Variants in FAM110B observed in about 807,000 individuals in gnomAD.
FAM110B encodes family with sequence similarity 110 member B.
Under a neutral mutation model 20.4 loss-of-function variants are expected in FAM110B, and 6 were observed. That is an observed-to-expected ratio of 0.29 (90% confidence interval 0.16 to 0.58). FAM110B has a LOEUF of 0.58. Among genes scored for constraint, FAM110B ranks in the 20% least tolerant of loss-of-function variants. The probability of loss-of-function intolerance (pLI) is 0.90; values close to 1 mark genes in which losing one functional copy is unlikely to be tolerated. For synonymous variants in FAM110B, 226 were observed against 214.1 expected (o/e 1.06, Z -0.49); for missense variants, 434 against 498.2 (o/e 0.87, Z 1.23).
At chr8:58,067,372 A>T (rs558520702) in intron 2 of FAM110B, among the ~76,000 whole-genome samples, 1 of 152,320 alleles carries the variant, frequency 6.6e-6, no homozygotes, top group South Asian at 2.1e-4. Context: ...ATCTACAAAG[A>T]TCTAGAAGGA....
At chr8:58,016,316 T>G (rs1449725755) in intron 1 of FAM110B, among the ~76,000 whole-genome samples, 3 of 152,246 alleles carry the variant, frequency 2.0e-5, no homozygotes, top group Non-Finnish European at 2.9e-5. Context: ...ATTTTCTCTC[T>G]TCACATTCTG....
intron 3 of FAM110B, among the ~76,000 whole-genome samples, chr8:58,110,253 T>G (rs1303399745): frequency 6.6e-6 from 1 of 152,194 alleles, no homozygotes; most frequent in Non-Finnish European, 1.5e-5. Context: ...ATTGTAGTTA[T>G]TAGTGTAATT....
At chr8:58,069,976 G>A (rs566403355) in intron 2 of FAM110B, among the ~76,000 whole-genome samples, 1 of 152,276 alleles carries the variant, frequency 6.6e-6, no homozygotes, top group East Asian at 1.9e-4. Flanking sequence ...ACAGGAAATC[G>A]AGATGATTTT....
intron 3 of FAM110B, among the ~76,000 whole-genome samples, chr8:58,084,737 G>C (rs2150599443): frequency 6.6e-6 from 1 of 152,076 alleles, no homozygotes; most frequent in Admixed American, 6.5e-5. Context: ...TTACCACCAT[G>C]TACACCTTAA....
chr8:58,013,764 G>A (rs1222963824), intron 1 of FAM110B, among the ~76,000 whole-genome samples: 1 of 152,054 alleles, frequency 6.6e-6, no homozygotes, highest in East Asian at 1.9e-4. Context: ...TTCTCATTTT[G>A]GGTTTATTTT....
chr8:58,053,124 A>G (rs146601198), intron 2 of FAM110B, among the ~76,000 whole-genome samples: 1 of 152,284 alleles, frequency 6.6e-6, no homozygotes, highest in Non-Finnish European at 1.5e-5. Flanking sequence ...AGGTTGCAGT[A>G]TATAAAACTC....
At chr8:58,121,044 G>A (rs927484153) in intron 3 of FAM110B, among the ~76,000 whole-genome samples, 2 of 152,218 alleles carry the variant, frequency 1.3e-5, no homozygotes. Flanking sequence ...GATGTCCTCT[G>A]GAGCTTGCTC....
intron 3 of FAM110B, among the ~76,000 whole-genome samples, chr8:58,127,102 T>C (rs1275165429): frequency 6.6e-6 from 1 of 152,240 alleles, no homozygotes; most frequent in East Asian, 1.9e-4. Context: ...GAGGTCAACG[T>C]TTATATTTTT....
At chr8:58,063,400 G>A (rs1222074579) in intron 2 of FAM110B, among the ~76,000 whole-genome samples, 1 of 152,146 alleles carries the variant, frequency 6.6e-6, no homozygotes, top group African/African-American at 2.4e-5. Context: ...TTTCCTATGT[G>A]TATACTCAAA....
chr8:58,028,238 G>A (rs1379523307), intron 1 of FAM110B, among the ~76,000 whole-genome samples: 1 of 152,114 alleles, frequency 6.6e-6, no homozygotes, highest in Non-Finnish European at 1.5e-5. Context: ...CAAGTAGCTG[G>A]GATTACAGGC....
At chr8:58,043,056 GA>G (rs1243276124) in intron 2 of FAM110B, 2 of 152,224 alleles carry the variant, frequency 1.3e-5, no homozygotes, top group Non-Finnish European at 2.9e-5. Flanking sequence ...GATATTTAAA[GA>G]ATATGAATGA....
intron 1 of FAM110B, among the ~76,000 whole-genome samples, chr8:58,019,462 G>T (rs1804705350): frequency 1.3e-5 from 2 of 151,834 alleles, no homozygotes; most frequent in South Asian, 4.2e-4. Flanking sequence ...TTCTTCCTGA[G>T]ATCTAAATTT....
chr8:58,089,731 G>A (rs982704549), intron 3 of FAM110B, among the ~76,000 whole-genome samples: 10 of 152,164 alleles, frequency 6.6e-5, no homozygotes, highest in African/African-American at 2.4e-4. Context: ...GTTAGTTATT[G>A]TAAAAGCTCA....
At position 58,148,245 on chromosome 8, in the gene FAM110B, T is replaced by C. The variant is rs186663957; in HGVS notation, c.*902T>C. ...CTCTCTCCCTTTGTTGTTATTTGAT[T>C]TGGGGGAAGGGAGTGAGGCTTGTGC... On this transcript the variant is annotated 3_prime_UTR_variant, in exon 4 of 4. Coordinates refer to ENST00000519262, the MANE Select transcript of FAM110B (RefSeq NM_001377989.1). 2 of 166,416 alleles carry C rather than the reference T, an allele frequency of 1.2e-5. No individual in the cohort carries two copies. The allele number at this position is 166,416 out of a possible 1,614,324, so 10.3% of individuals were successfully genotyped here. A position where few individuals can be genotyped will look rare whatever the true frequency, so the allele number is the denominator to read the frequency against.
chr8:58,126,094 G>A (rs573521409), intron 3 of FAM110B, among the ~76,000 whole-genome samples: 1 of 152,218 alleles, frequency 6.6e-6, no homozygotes, highest in South Asian at 2.1e-4. Flanking sequence ...CTTATCTCCT[G>A]AAAACCACTA....
chr8:58,023,840 A>G (rs1188679102), intron 1 of FAM110B, among the ~76,000 whole-genome samples: 1 of 152,228 alleles, frequency 6.6e-6, no homozygotes, highest in Admixed American at 6.5e-5. Flanking sequence ...ATGTATTTGT[A>G]TACTAAGCCG....
At chr8:58,061,938 A>C (rs919769357) in intron 2 of FAM110B, among the ~76,000 whole-genome samples, 6 of 152,240 alleles carry the variant, frequency 3.9e-5, no homozygotes, top group Non-Finnish European at 7.3e-5. Flanking sequence ...ACCTTAAATA[A>C]GTGACACAGA....
chr8:58,002,741 A>G (rs893994371), intron 1 of FAM110B, among the ~76,000 whole-genome samples: 13 of 152,224 alleles, frequency 8.5e-5, no homozygotes, highest in Admixed American at 7.9e-4. Flanking sequence ...CTAAGAAAAC[A>G]ATGTACATAC....
At position 58,085,531 on chromosome 8, in the gene FAM110B, T is replaced by C. The variant is rs536626665; in HGVS notation, c.-325+9908T>C. On this transcript the variant is annotated intron_variant, in intron 3 of 3. Coordinates refer to ENST00000519262, the MANE Select transcript of FAM110B (RefSeq NM_001377989.1). ...CTGTCTCAAGAAAACAAACAAAAAG[T>C]TGATACACTTCTAGATTTAATTTAA... is the stretch of plus-strand genomic sequence containing the variant. Among the ~76,000 whole-genome samples, 52 of 152,208 alleles carry C rather than the reference T, an allele frequency of 3.4e-4. 1 individual carries two copies. The highest frequency in any genetic ancestry group is 1.1e-3 in the African/African-American group (46 of 41,568).
Sources: allele counts gnomAD v4.1 joint callset (sites outside exome capture counted in the v4.1 genomes callset), GRCh38; gene constraint gnomAD v4.1.1; transcripts MANE v1.5; gene names NCBI Gene and HGNC (gene_info 2026-07-23, HGNC 2026-07-21).